Variants in EFCAB13 observed in about 807,000 individuals in gnomAD.
EFCAB13 encodes the protein EF-hand calcium-binding domain-containing protein 13.
EFCAB13 carries 91 observed loss-of-function variants against 110.2 expected under a neutral mutation model. The ratio of observed to expected loss-of-function variants is 0.83; its 90% CI spans 0.70 to 0.98. The LOEUF is 0.98. EFCAB13 is among the 50% of genes least tolerant of loss of function. EFCAB13 has a pLI of 0.00. For missense variants in EFCAB13, 968 were observed against 1,119.4 expected (o/e 0.86, Z 1.93); for synonymous variants, 323 against 369.9 (o/e 0.87, Z 1.45).
intron 24 of EFCAB13, among the ~76,000 whole-genome samples, chr17:47,439,465 C>G (rs1905275649): frequency 6.6e-6 from 1 of 152,084 alleles, no homozygotes; most frequent in African/African-American, 2.4e-5. Flanking sequence ...GCATGAGCCA[C>G]CATGTCTGGC....
rs2065734820 is a variant in EFCAB13, at chr17:47,395,828, C to CT, written c.1802-3dup. On this transcript the variant is annotated splice_region_variant and splice_polypyrimidine_tract_variant and intron_variant, in intron 16 of 24. Transcript: ENST00000331493. ...TCGTAAAACTTGTGTTTTATCTACC[C>CT]TTTAGTATTGCCTGATGCTATTGAA... 6.3e-7 allele frequency: 1 copy of CT among 1,594,110 alleles called. No homozygotes were observed. Among genetic ancestry groups the CT allele is most frequent in the South Asian group, 1.1e-5 (1 of 87,222 alleles).
chr17:47,420,297 C>T (rs1335563644), intron 23 of EFCAB13, among the ~76,000 whole-genome samples: 1 of 152,228 alleles, frequency 6.6e-6, no homozygotes, highest in African/African-American at 2.4e-5. Context: ...CGGCTCGCTA[C>T]AACCTCCACC....
chr17:47,363,020 G>A (rs979957793), intron 10 of EFCAB13, among the ~76,000 whole-genome samples: 3 of 152,006 alleles, frequency 2.0e-5, no homozygotes, highest in African/African-American at 4.8e-5. Flanking sequence ...ACACTCTCTC[G>A]TCTCCGCACA....
intron 14 of EFCAB13, among the ~76,000 whole-genome samples, chr17:47,386,890 C>CCCG (rs1280793679): frequency 6.6e-6 from 1 of 151,852 alleles, no homozygotes; most frequent in Non-Finnish European, 1.5e-5. Flanking sequence ...CCACCCCCTC[C>CCCG]CCGCCGCCGC....
chr17:47,360,839 CA>C (rs1342870420), intron 9 of EFCAB13, among the ~76,000 whole-genome samples: 3 of 152,230 alleles, frequency 2.0e-5, no homozygotes, highest in African/African-American at 7.2e-5. Flanking sequence ...CAGCTTTCTA[CA>C]AATGGCTAGC....
intron 11 of EFCAB13, among the ~76,000 whole-genome samples, chr17:47,370,738 G>GTTTTTTTTTTTTT (rs764924546): frequency 7.1e-5 from 9 of 127,198 alleles, no homozygotes; most frequent in Non-Finnish European, 1.3e-4. Flanking sequence ...GTTGTTGTTT[G>GTTTTTTTTTTTTT]TTTTTTTTTT....
At position 47,440,764 on chromosome 17, in the gene EFCAB13, G is replaced by A. The variant is rs775757924; in HGVS notation, c.*50G>A. 6 of 1,362,402 alleles carry A rather than the reference G, an allele frequency of 4.4e-6. No individual in the cohort carries two copies. Among genetic ancestry groups the A allele is most frequent in the East Asian group, 2.5e-5 (1 of 40,700 alleles). 84.4% of individuals were successfully genotyped at this position (1,362,402 alleles called of 1,614,324 possible). A position where few individuals can be genotyped will look rare whatever the true frequency, so the allele number is the denominator to read the frequency against. On this transcript the variant is annotated 3_prime_UTR_variant, in exon 25 of 25. Transcript: ENST00000331493. ...AAATTACTAGATTATATATTATTCA[G>A]TATGCATATTTGACTTCTGAAATTA...
chr17:47,374,349 G>T, intron 11 of EFCAB13, 123 bp from the exon 12 acceptor site: 1 of 893,290 alleles, frequency 1.1e-6, no homozygotes, highest in Non-Finnish European at 1.6e-6. Context: ...TTTTTGGTTT[G>T]TTTTATATGT....
chr17:47,324,913 C>G (rs8077042), intron 2 of EFCAB13, among the ~76,000 whole-genome samples: 128,001 of 144,538 alleles, frequency 0.89, 57,263 homozygotes, highest in Non-Finnish European at 0.94. Flanking sequence ...CTCACTCTGA[C>G]GACATTGTCT....
At chr17:47,390,010 T>A (rs1195155802) in intron 14 of EFCAB13, among the ~76,000 whole-genome samples, 1 of 152,186 alleles carries the variant, frequency 6.6e-6, no homozygotes, top group Non-Finnish European at 1.5e-5. Flanking sequence ...AATCATCAAG[T>A]TCAGACATCA....
chr17:47,440,836 A>G lies in EFCAB13; in HGVS notation c.*122A>G, dbSNP rs1344505026. On this transcript the variant is annotated 3_prime_UTR_variant, in exon 25 of 25. Coordinates refer to ENST00000331493, the MANE Select transcript of EFCAB13 (RefSeq NM_152347.5). ...TTTTGACAAATCCAGTAGAATTTTTATCACTATCTGTTATGTTCTCATGTA... is the reference window on the plus strand; with the variant it reads ...TTTTGACAAATCCAGTAGAATTTTTGTCACTATCTGTTATGTTCTCATGTA... 12 of 785,900 alleles carry G rather than the reference A, an allele frequency of 1.5e-5. No homozygotes were observed. The East Asian group carries it at 3.5e-4, about 23-fold the overall frequency. The allele number at this position is 785,900 out of a possible 1,614,324, so 48.7% of individuals were successfully genotyped here.
chr17:47,348,640 T>A (rs2065431471), intron 9 of EFCAB13, among the ~76,000 whole-genome samples: 1 of 152,132 alleles, frequency 6.6e-6, no homozygotes, highest in African/African-American at 2.4e-5. Flanking sequence ...ATGGTTGTTC[T>A]AATAGATATA....
chr17:47,371,649 T>C (rs2143352110), intron 11 of EFCAB13, among the ~76,000 whole-genome samples: 2 of 152,300 alleles, frequency 1.3e-5, no homozygotes, highest in Middle Eastern at 6.8e-3. Context: ...AGTCACGCTC[T>C]GTCACCCAGG....
Position 47,412,773 on chromosome 17 carries a change from A to C in EFCAB13, c.2279A>C (p.Glu760Ala). Residue 760 changes from glutamate to alanine, a missense_variant and splice_region_variant, in exon 22 of 25, where the codon GAG becomes GCG. Physicochemically the swap from Glu to Ala is moderately radical, Grantham distance 107. Transcript: ENST00000331493. ...ASNLKLPKVN[E>A]IKEAANILSH... ...AGCTTGTGTACATTTATCTTTGTAGAGATTAAAGAAGCTGCTAACATCTTG... is the reference window on the plus strand; with the variant it reads ...AGCTTGTGTACATTTATCTTTGTAGCGATTAAAGAAGCTGCTAACATCTTG... 1 of 1,612,212 alleles carries C rather than the reference A, an allele frequency of 6.2e-7. No homozygotes were observed. Among genetic ancestry groups the C allele is most frequent in the Non-Finnish European group, 8.5e-7 (1 of 1,179,190 alleles).
rs529241202 is a variant in EFCAB13, at chr17:47,430,259, T to A, written c.2638+298T>A. 386 of 1,017,828 alleles carry A rather than the reference T, an allele frequency of 3.8e-4. 1 individual carries two copies. The highest frequency in any genetic ancestry group is 4.4e-4 in the Non-Finnish European group (375 of 850,952). 63.0% of individuals were successfully genotyped at this position (1,017,828 alleles called of 1,614,324 possible). ...GTCAATCAGAATGCCATCCATAGAGTAAAACAGGGTCCTGGAGGCCCTTTT... is the reference window on the plus strand; with the variant it reads ...GTCAATCAGAATGCCATCCATAGAGAAAAACAGGGTCCTGGAGGCCCTTTT... On this transcript the variant is annotated intron_variant, in intron 24 of 24. Transcript: ENST00000331493.
intron 17 of EFCAB13, among the ~76,000 whole-genome samples, chr17:47,397,760 G>A (rs1044975573): frequency 1.8e-4 from 27 of 151,536 alleles, no homozygotes; most frequent in African/African-American, 6.6e-4. Context: ...GAGAAGTGAG[G>A]AGACCCTCCG....
chr17:47,334,825 GA>G (rs2065339707), intron 4 of EFCAB13, among the ~76,000 whole-genome samples: 1 of 152,162 alleles, frequency 6.6e-6, no homozygotes, highest in Non-Finnish European at 1.5e-5. Flanking sequence ...TGAGGTGGGA[GA>G]ATTGCTTGAG....
At chr17:47,345,188 T>G in intron 8 of EFCAB13, 90 bp downstream of exon 8, 1 of 858,230 alleles carries the variant, frequency 1.2e-6, no homozygotes, top group Admixed American at 2.4e-5. Flanking sequence ...CTTCATCTAC[T>G]CCTAATGGCT....
At chr17:47,379,562 TG>T (rs59649848) in intron 14 of EFCAB13, among the ~76,000 whole-genome samples, 75,175 of 148,200 alleles carry the variant, frequency 0.51, 19,218 homozygotes, top group Middle Eastern at 0.55. Flanking sequence ...TGATATGGTT[TG>T]TTTTTTTTTT....
Sources: allele counts gnomAD v4.1 joint callset (sites outside exome capture counted in the v4.1 genomes callset), GRCh38; gene constraint gnomAD v4.1.1; transcripts MANE v1.5; gene names NCBI Gene and HGNC (gene_info 2026-07-23, HGNC 2026-07-21).